The following GADL1 variants were observed in gnomAD, a reference collection of about 807,000 sequenced individuals.
GADL1 encodes the protein GAD like acidic amino acid decarboxylase 1, also known as acidic amino acid decarboxylase GADL1.
GADL1 carries 71 observed loss-of-function variants against 69.5 expected under a neutral mutation model. The ratio of observed to expected loss-of-function variants is 1.02; its 90% CI spans 0.84 to 1.25. The LOEUF is 1.25. GADL1 is among the 50% of genes most tolerant of loss of function. The pLI, the probability that GADL1 is intolerant of heterozygous loss-of-function variation, is 0.00. For missense variants in GADL1, 737 were observed against 631.8 expected (o/e 1.17, Z -1.79); for synonymous variants, 254 against 214.4 (o/e 1.18, Z -1.62).
chr3:30,760,021 T>TGA (rs1232173817), intron 14 of GADL1, among the ~76,000 whole-genome samples: 2 of 152,238 alleles, frequency 1.3e-5, no homozygotes, highest in Non-Finnish European at 2.9e-5. Context: ...ATCTCCTTTT[T>TGA]ACCTGCAGAT....
intron 14 of GADL1, among the ~76,000 whole-genome samples, chr3:30,751,437 GCTT>G (rs957914185): frequency 3.4e-5 from 5 of 148,932 alleles, no homozygotes; most frequent in Non-Finnish European, 5.9e-5. Context: ...GTCTTTCATT[GCTT>G]CTTTTATTCC....
chr3:30,810,529 T>C (rs1697330294), intron 11 of GADL1, among the ~76,000 whole-genome samples: 1 of 152,192 alleles, frequency 6.6e-6, no homozygotes, highest in African/African-American at 2.4e-5. Flanking sequence ...AGTTGCTTCT[T>C]TCCTTAATAC....
At chr3:30,754,072 T>C (rs768106924) in intron 14 of GADL1, among the ~76,000 whole-genome samples, 3 of 152,162 alleles carry the variant, frequency 2.0e-5, no homozygotes, top group Non-Finnish European at 2.9e-5. Context: ...GTAAACTAAA[T>C]TAGTCACACA....
At chr3:30,887,477 T>C (rs1437075055) in intron 1 of GADL1, among the ~76,000 whole-genome samples, 1 of 152,160 alleles carries the variant, frequency 6.6e-6, no homozygotes, top group African/African-American at 2.4e-5. Context: ...TCTCAGCCCC[T>C]TCGCCATGTA....
At chr3:30,753,134 C>A (rs1695872790) in intron 14 of GADL1, among the ~76,000 whole-genome samples, 1 of 152,094 alleles carries the variant, frequency 6.6e-6, no homozygotes, top group Non-Finnish European at 1.5e-5. Context: ...GTTATTTAGT[C>A]TGATTTCAAT....
intron 14 of GADL1, among the ~76,000 whole-genome samples, chr3:30,747,749 T>C (rs1393974330): frequency 6.6e-6 from 1 of 152,190 alleles, no homozygotes; most frequent in African/African-American, 2.4e-5. Context: ...CCTTTGTTTA[T>C]CCTATCCTGT....
At chr3:30,806,132 G>A (rs1235744387) in intron 11 of GADL1, among the ~76,000 whole-genome samples, 1 of 151,920 alleles carries the variant, frequency 6.6e-6, no homozygotes, top group Non-Finnish European at 1.5e-5. Context: ...ATGTTTTTCA[G>A]CTCATCAAAG....
chr3:30,848,435 TAAGAA>T (rs1698091195), intron 6 of GADL1, among the ~76,000 whole-genome samples: 1 of 152,186 alleles, frequency 6.6e-6, no homozygotes, highest in Non-Finnish European at 1.5e-5. Context: ...CCTTTTGCAA[TAAGAA>T]ACTAACTTTT....
chr3:30,734,901 A>C (rs11915180), intron 14 of GADL1, among the ~76,000 whole-genome samples: 55,755 of 151,970 alleles, frequency 0.37, 11,987 homozygotes, highest in African/African-American at 0.6. Flanking sequence ...CCAGTACTTG[A>C]CAGACAAGTA....
At chr3:30,754,569 A>G (rs541474177) in intron 14 of GADL1, among the ~76,000 whole-genome samples, 8 of 152,242 alleles carry the variant, frequency 5.3e-5, no homozygotes, top group African/African-American at 1.9e-4. Context: ...TATTACCTCA[A>G]TGGCTAAATA....
intron 14 of GADL1, among the ~76,000 whole-genome samples, chr3:30,771,309 A>G (rs1423361773): frequency 6.6e-6 from 1 of 152,194 alleles, no homozygotes; most frequent in Non-Finnish European, 1.5e-5. Context: ...AACAAAACTG[A>G]TAACCATTAG....
At chr3:30,795,827 CTG>C (rs1697020804) in intron 12 of GADL1, among the ~76,000 whole-genome samples, 1 of 152,066 alleles carries the variant, frequency 6.6e-6, no homozygotes, top group African/African-American at 2.4e-5. Context: ...CAGGAATAGA[CTG>C]TTGGATATCA....
chr3:30,867,530 G>A (rs1240145006), intron 1 of GADL1, among the ~76,000 whole-genome samples: 1 of 151,384 alleles, frequency 6.6e-6, no homozygotes. Context: ...TTTAACAAAT[G>A]TAATTGTAAC....
intron 12 of GADL1, among the ~76,000 whole-genome samples, chr3:30,790,177 C>T (rs903918068): frequency 2.6e-5 from 4 of 152,106 alleles, no homozygotes; most frequent in Non-Finnish European, 5.9e-5. Flanking sequence ...ATTAGTTGGC[C>T]TAATTTTGAT....
At chr3:30,795,570 G>A (rs1697014515) in intron 12 of GADL1, among the ~76,000 whole-genome samples, 1 of 152,090 alleles carries the variant, frequency 6.6e-6, no homozygotes, top group African/African-American at 2.4e-5. Context: ...ATAGGCTTAA[G>A]CAAACAGAAT....
chr3:30,894,446 G>A (rs963325927), intron 1 of GADL1, 132 bp downstream of exon 1: 5 of 606,904 alleles, frequency 8.2e-6, no homozygotes, highest in African/African-American at 5.7e-5. Flanking sequence ...CATGAAGATG[G>A]GGACTTTCTA....
chr3:30,763,869 A>G (rs1696202156), intron 14 of GADL1, among the ~76,000 whole-genome samples: 1 of 152,132 alleles, frequency 6.6e-6, no homozygotes, highest in South Asian at 2.1e-4. Flanking sequence ...ATCAGAAAAT[A>G]TCACCTTAAA....
At chr3:30,774,684 T>C (rs1426829422) in intron 14 of GADL1, among the ~76,000 whole-genome samples, 2 of 152,206 alleles carry the variant, frequency 1.3e-5, no homozygotes, top group Non-Finnish European at 2.9e-5. Flanking sequence ...TAAAGTCTTA[T>C]GTTGCCTTTT....
intron 11 of GADL1, among the ~76,000 whole-genome samples, chr3:30,814,758 G>A (rs754581729): frequency 3.9e-5 from 6 of 152,070 alleles, no homozygotes; most frequent in Non-Finnish European, 7.4e-5. Context: ...AAGAATAAGA[G>A]TTCAAGATCA....
Sources: gnomAD v4.1 joint callset for allele counts (sites outside exome capture counted in the v4.1 genomes callset) on GRCh38, gnomAD v4.1.1 for gene constraint, MANE v1.5 for transcripts, NCBI Gene and HGNC (gene_info 2026-07-23, HGNC 2026-07-21) for gene names.